The following SGMS1 variants were observed in gnomAD, a reference collection of about 807,000 sequenced individuals.
SGMS1 encodes sphingomyelin synthase 1.
Under a neutral mutation model 46.2 loss-of-function variants are expected in SGMS1, and 13 were observed. The observed-to-expected ratio is 0.28, with a 90% CI of 0.18 to 0.45. The LOEUF (loss-of-function observed/expected upper bound fraction) is 0.45. Ranked by LOEUF, SGMS1 falls within the 20% of genes least tolerant of loss-of-function variation. The pLI is 1.00. For missense variants in SGMS1, 324 were observed against 519.9 expected, an observed-to-expected ratio of 0.62 and a Z score of 3.66; for synonymous variants, 203 against 187.8, an observed-to-expected ratio of 1.08 and a Z score of -0.66.
chr10:50,542,837 TTGTAA>T (rs1289128722), intron 2 of SGMS1, among the ~76,000 whole-genome samples: 2 of 149,264 alleles, frequency 1.3e-5, no homozygotes, highest in Non-Finnish European at 3.0e-5. Flanking sequence ...TTTTTGGTTA[TTGTAA>T]TGTAATGCCA....
At chr10:50,581,420 C>T (rs564577341) in intron 2 of SGMS1, among the ~76,000 whole-genome samples, 1 of 152,112 alleles carries the variant, frequency 6.6e-6, no homozygotes. Context: ...AATAGGATAA[C>T]CAACAAAATA....
chr10:50,506,506 A>C (rs1252686184), intron 3 of SGMS1, among the ~76,000 whole-genome samples: 1 of 152,182 alleles, frequency 6.6e-6, no homozygotes, highest in Non-Finnish European at 1.5e-5. Context: ...AAATCCATAC[A>C]TAGATAATGA....
At chr10:50,417,413 AAAAAT>A (rs140505093) in intron 6 of SGMS1, among the ~76,000 whole-genome samples, 94,520 of 149,230 alleles carry the variant, frequency 0.63, 30,041 homozygotes, top group East Asian at 0.77. Context: ...AAACAAACAC[AAAAAT>A]AAAATAAAAT....
At chr10:50,497,623 T>A (rs1837626860) in intron 3 of SGMS1, among the ~76,000 whole-genome samples, 1 of 152,090 alleles carries the variant, frequency 6.6e-6, no homozygotes, top group African/African-American at 2.4e-5. Context: ...TGAAACCCTG[T>A]CTCTACTAAA....
chr10:50,334,604 C>T (rs1340524858), intron 7 of SGMS1: 1 of 152,192 alleles, frequency 6.6e-6, no homozygotes, highest in Non-Finnish European at 1.5e-5. Flanking sequence ...CACCAGCAGT[C>T]ACTAACATTT....
At chr10:50,586,650 C>T (rs933436160) in intron 2 of SGMS1, among the ~76,000 whole-genome samples, 2 of 152,176 alleles carry the variant, frequency 1.3e-5, no homozygotes, top group African/African-American at 2.4e-5. Flanking sequence ...TAGGGAACGA[C>T]GTGAGAAGGG....
At chr10:50,342,152 G>GA (rs1847830966) in intron 7 of SGMS1, 1 of 152,144 alleles carries the variant, frequency 6.6e-6, no homozygotes, top group Admixed American at 6.5e-5. Flanking sequence ...GGGATTTTAG[G>GA]AAAAAAGTTT....
intron 3 of SGMS1, among the ~76,000 whole-genome samples, chr10:50,510,836 T>C (rs1442478830): frequency 6.6e-6 from 1 of 152,212 alleles, no homozygotes; most frequent in Non-Finnish European, 1.5e-5. Context: ...TGTTGTTTGT[T>C]TGGGTTTTTT....
chr10:50,340,713 C>T (rs535926361), intron 7 of SGMS1: 13 of 152,284 alleles, frequency 8.5e-5, no homozygotes, highest in African/African-American at 3.1e-4. Flanking sequence ...AAGATAGAAC[C>T]AAATGTCACA....
intron 5 of SGMS1, among the ~76,000 whole-genome samples, chr10:50,456,235 C>T (rs1837189110): frequency 6.6e-6 from 1 of 150,960 alleles, no homozygotes; most frequent in Admixed American, 6.6e-5. Context: ...ATACATAAAA[C>T]ATATAAAGGC....
At chr10:50,345,700 A>C (rs898242010) in intron 6 of SGMS1, among the ~76,000 whole-genome samples, 9 of 152,224 alleles carry the variant, frequency 5.9e-5, no homozygotes, top group Admixed American at 2.0e-4. Context: ...ATACTCAAAG[A>C]ATATGCTCAT....
At chr10:50,403,006 C>A (rs1848962613) in intron 6 of SGMS1, among the ~76,000 whole-genome samples, 1 of 152,176 alleles carries the variant, frequency 6.6e-6, no homozygotes, top group South Asian at 2.1e-4. Context: ...AGTTACTCCA[C>A]TTAGAATAAT....
At chr10:50,425,555 T>C (rs1224377455) in intron 6 of SGMS1, among the ~76,000 whole-genome samples, 1 of 152,048 alleles carries the variant, frequency 6.6e-6, no homozygotes, top group Non-Finnish European at 1.5e-5. Flanking sequence ...TGGGTGCACA[T>C]GGATATAAAG....
At chr10:50,605,901 AC>A (rs1414738885) in intron 1 of SGMS1, among the ~76,000 whole-genome samples, 1 of 151,842 alleles carries the variant, frequency 6.6e-6, no homozygotes, top group African/African-American at 2.4e-5. Context: ...CCCCACTTCA[AC>A]CCCTTCACCC....
At chr10:50,475,726 C>T (rs557695329) in intron 3 of SGMS1, among the ~76,000 whole-genome samples, 1 of 152,078 alleles carries the variant, frequency 6.6e-6, no homozygotes, top group Non-Finnish European at 1.5e-5. Context: ...GAGTTCTTAC[C>T]AGATCTGCTT....
rs539841708 is a variant in SGMS1, at chr10:50,440,769, C to A, written c.-312-7213G>T. 9.2e-5 allele frequency among the ~76,000 whole-genome samples: 14 copies of A among 152,246 alleles called. 1 individual carries two copies. The South Asian group carries it at 2.9e-3, about 32-fold the overall frequency. On this transcript the variant is annotated intron_variant, in intron 5 of 10. Transcript: ENST00000361781. The stretch of plus-strand genomic sequence containing the variant: ...GGACTACAGGTGCATACTACCATGG[C>A]CAGCTAATTTTTGCTTGTTTGTTCT...
At chr10:50,408,869 T>C (rs1849059897) in intron 6 of SGMS1, among the ~76,000 whole-genome samples, 1 of 152,058 alleles carries the variant, frequency 6.6e-6, no homozygotes, top group South Asian at 2.1e-4. Context: ...AGCGAGACTC[T>C]ATCTCAAAAC....
chr10:50,548,656 A>G (rs569513511), intron 2 of SGMS1, among the ~76,000 whole-genome samples: 1 of 152,346 alleles, frequency 6.6e-6, no homozygotes, highest in Admixed American at 6.5e-5. Flanking sequence ...CCAGGCAAAG[A>G]TTTCATGACG....
At chr10:50,580,687 T>C (rs1034356215) in intron 2 of SGMS1, among the ~76,000 whole-genome samples, 5 of 152,154 alleles carry the variant, frequency 3.3e-5, no homozygotes, top group Admixed American at 1.3e-4. Context: ...GAGTTCCACC[T>C]AGACAAAGTA....
Sources: gnomAD v4.1 joint callset for allele counts (sites outside exome capture counted in the v4.1 genomes callset) on GRCh38, gnomAD v4.1.1 for gene constraint, MANE v1.5 for transcripts, NCBI Gene and HGNC (gene_info 2026-07-23, HGNC 2026-07-21) for gene names.